Variants in BMPR1B observed in about 807,000 individuals in gnomAD.
The protein encoded by BMPR1B is bone morphogenetic protein receptor type 1B.
In BMPR1B, 12 loss-of-function variants were observed where a neutral mutation model predicts 59.1. That is an observed-to-expected ratio of 0.20 (90% CI 0.13 to 0.33). The LOEUF (loss-of-function observed/expected upper bound fraction) is 0.33. BMPR1B is among the 10% of genes least tolerant of loss of function. The pLI, the probability that BMPR1B is intolerant of heterozygous loss-of-function variation, is 1.00. For missense variants in BMPR1B, 550 were observed against 610.9 expected (o/e 0.90, Z 1.05); for synonymous variants, 237 against 207.3 (o/e 1.14, Z -1.23).
chr4:94,989,225 C>T (rs1156569657), intron 2 of BMPR1B, among the ~76,000 whole-genome samples: 2 of 151,850 alleles, frequency 1.3e-5, no homozygotes, highest in African/African-American at 4.8e-5. Context: ...CCCGTCTCTA[C>T]TAAAAATACA....
At chr4:94,875,309 T>C (rs1456776355) in intron 1 of BMPR1B, among the ~76,000 whole-genome samples, 1 of 152,232 alleles carries the variant, frequency 6.6e-6, no homozygotes, top group Non-Finnish European at 1.5e-5. Context: ...TGAAAACCTG[T>C]AATACTGTTT....
intron 2 of BMPR1B, among the ~76,000 whole-genome samples, chr4:94,960,116 T>A (rs1730296002): frequency 6.6e-6 from 1 of 152,142 alleles, no homozygotes; most frequent in African/African-American, 2.4e-5. Flanking sequence ...AATATGAAGG[T>A]CCAAAAATGT....
intron 2 of BMPR1B, among the ~76,000 whole-genome samples, chr4:94,917,016 T>C (rs1053043860): frequency 2.0e-5 from 3 of 152,262 alleles, no homozygotes; most frequent in African/African-American, 4.8e-5. Flanking sequence ...CTTTGGAGAA[T>C]GCAAGCCATA....
intron 1 of BMPR1B, among the ~76,000 whole-genome samples, chr4:94,820,427 A>C (rs559759607): frequency 6.6e-6 from 1 of 152,232 alleles, no homozygotes; most frequent in East Asian, 1.9e-4. Flanking sequence ...CTGTCTTCCC[A>C]GTGGGACTGT....
chr4:94,840,750 T>C (rs1303889418), intron 1 of BMPR1B, among the ~76,000 whole-genome samples: 1 of 148,500 alleles, frequency 6.7e-6, no homozygotes, highest in East Asian at 1.9e-4. Context: ...TCTGAAGCCT[T>C]CTTCTCTCAA....
At chr4:94,845,078 A>G (rs1426874811) in intron 1 of BMPR1B, among the ~76,000 whole-genome samples, 1 of 111,958 alleles carries the variant, frequency 8.9e-6, no homozygotes, top group Non-Finnish European at 1.8e-5. Context: ...TAGAGTATCA[A>G]CACTAAAAGA....
chr4:95,024,609 A>G (rs1724221842), intron 3 of BMPR1B, among the ~76,000 whole-genome samples: 1 of 152,202 alleles, frequency 6.6e-6, no homozygotes. Context: ...TATGCCAGTC[A>G]CAGTATAGAT....
chr4:94,944,840 G>A (rs529963624), intron 2 of BMPR1B, among the ~76,000 whole-genome samples: 4 of 152,168 alleles, frequency 2.6e-5, no homozygotes, highest in African/African-American at 9.7e-5. Context: ...TGGCCTGACT[G>A]TATGGGACAC....
intron 3 of BMPR1B, among the ~76,000 whole-genome samples, chr4:95,097,865 A>G (rs1730544994): frequency 6.6e-6 from 1 of 152,152 alleles, no homozygotes; most frequent in African/African-American, 2.4e-5. Context: ...ACTTTTTTGT[A>G]GATTTTACTC....
In BMPR1B at chr4:94,878,752, T is replaced by C. The variant is rs567663096; in HGVS notation, c.-113+2852T>C. Among the ~76,000 whole-genome samples, 1,359 of 151,336 alleles carry C rather than the reference T, an allele frequency of 9.0e-3. 26 individuals carry two copies. The highest frequency in any genetic ancestry group is 0.031 in the African/African-American group (1,273 of 41,240). ...GGTTCTGCTTTTTTTTTTTTTTTTT[T>C]ACTTCTGATATGCTTGGTAGGCATT... is the stretch of plus-strand genomic sequence containing the variant. On this transcript the variant is annotated intron_variant, in intron 2 of 12. Coordinates refer to ENST00000515059, the MANE Select transcript of BMPR1B (RefSeq NM_001203.3).
chr4:94,877,787 T>G (rs1366741549), intron 2 of BMPR1B, among the ~76,000 whole-genome samples: 1 of 151,880 alleles, frequency 6.6e-6, no homozygotes, highest in African/African-American at 2.4e-5. Flanking sequence ...GAGATACATT[T>G]TATATATGTA....
At chr4:95,154,102 G>GCACA (rs999965567) in intron 12 of BMPR1B, among the ~76,000 whole-genome samples, 22 of 152,296 alleles carry the variant, frequency 1.4e-4, no homozygotes, top group African/African-American at 5.3e-4. Context: ...GTGATGCTGT[G>GCACA]CACAGGTCAT....
Position 94,759,386 on chromosome 4 carries a change from G to C in BMPR1B, c.-183+1318G>C, listed in dbSNP as rs113183379. Reference sequence around the variant, plus strand: ...TTGAGTTCTGCAAAGAAACATAAAAGGCTCCACTGGAAATGAGAGGGTTCA... The same window carrying C: ...TTGAGTTCTGCAAAGAAACATAAAACGCTCCACTGGAAATGAGAGGGTTCA... On this transcript the variant is annotated intron_variant, in intron 1 of 12. Transcript: ENST00000515059. Among the ~76,000 whole-genome samples, 1,058 of 152,312 alleles carry C rather than the reference G, an allele frequency of 6.9e-3. 11 individuals carry two copies. The highest frequency in any genetic ancestry group is 0.023 in the African/African-American group (960 of 41,566).
At chr4:94,849,001 A>G (rs1367223394) in intron 1 of BMPR1B, among the ~76,000 whole-genome samples, 1 of 152,180 alleles carries the variant, frequency 6.6e-6, no homozygotes, top group Non-Finnish European at 1.5e-5. Flanking sequence ...TGAGATGTCA[A>G]TTAAAATGGA....
At chr4:94,783,095 G>A (rs10016113) in intron 1 of BMPR1B, among the ~76,000 whole-genome samples, 83,834 of 151,928 alleles carry the variant, frequency 0.55, 23,286 homozygotes, top group Middle Eastern at 0.71. Flanking sequence ...TGTCTCTGAC[G>A]GTCTCTTTCC....
At chr4:94,903,631 C>A in intron 2 of BMPR1B, among the ~76,000 whole-genome samples, 1 of 151,634 alleles carries the variant, frequency 6.6e-6, no homozygotes, top group Admixed American at 6.6e-5. Flanking sequence ...TGAATTATAT[C>A]CCTTATAATT....
chr4:94,943,503 T>C (rs1326101625), intron 2 of BMPR1B, among the ~76,000 whole-genome samples: 2 of 152,156 alleles, frequency 1.3e-5, no homozygotes, highest in Non-Finnish European at 2.9e-5. Context: ...ATAAGGATAA[T>C]AATAGTACCT....
At chr4:95,006,191 A>G (rs1722816280) in intron 3 of BMPR1B, among the ~76,000 whole-genome samples, 1 of 152,010 alleles carries the variant, frequency 6.6e-6, no homozygotes, top group South Asian at 2.1e-4. Flanking sequence ...GTATCCTTTG[A>G]ACCCAGGAGG....
intron 2 of BMPR1B, among the ~76,000 whole-genome samples, chr4:94,925,443 A>G (rs1260944767): frequency 6.6e-6 from 1 of 152,164 alleles, no homozygotes; most frequent in Non-Finnish European, 1.5e-5. Context: ...TTTTGATATA[A>G]GTCAGTGAAT....
Sources: allele counts gnomAD v4.1 joint callset (sites outside exome capture counted in the v4.1 genomes callset), GRCh38; gene constraint gnomAD v4.1.1; transcripts MANE v1.5; gene names NCBI Gene and HGNC (gene_info 2026-07-23, HGNC 2026-07-21).